DIP2C: variants seen among roughly 807,000 people sequenced by gnomAD.
DIP2C encodes DIP2 acetate--CoA ligase C (putative), also known as disco-interacting protein 2 homolog C.
DIP2C carries 33 observed loss-of-function variants against 192.4 expected under a neutral mutation model. The ratio of observed to expected loss-of-function variants is 0.17; its 90% CI spans 0.13 to 0.23. The LOEUF (loss-of-function observed/expected upper bound fraction) is 0.23. Ranked by LOEUF, DIP2C falls within the 10% of genes least tolerant of loss-of-function variation. DIP2C has a pLI of 1.00. For missense variants in DIP2C, 1,537 were observed against 2,110.1 expected (o/e 0.73, Z 5.32); for synonymous variants, 979 against 864.1 (o/e 1.13, Z -2.33).
At chr10:608,196 C>T (rs1852683069) in intron 1 of DIP2C, among the ~76,000 whole-genome samples, 1 of 45,858 alleles carries the variant, frequency 2.2e-5, no homozygotes, top group South Asian at 9.4e-4. Context: ...CACACACAGC[C>T]CCAACACACA....
Position 446,734 on chromosome 10 carries a change from CAG to C in DIP2C, c.269-5740_269-5739del, listed in dbSNP as rs1209231562. Among the ~76,000 whole-genome samples, 3 of 152,352 alleles carry C rather than the reference CAG, an allele frequency of 2.0e-5. No individual in the cohort carries two copies. The East Asian group carries it at 5.8e-4, about 29-fold the overall frequency. On this transcript the variant is annotated intron_variant, in intron 3 of 36. Coordinates refer to ENST00000280886, the MANE Select transcript of DIP2C (RefSeq NM_014974.3). ...TTTTTCAGGAAGGGCCCTTATCAAA[CAG>C]AGAAAGATCCCTTCTGTTCCTGATG...
intron 24 of DIP2C, among the ~76,000 whole-genome samples, chr10:352,358 G>C (rs1252055580): frequency 6.6e-6 from 1 of 152,212 alleles, no homozygotes; most frequent in Non-Finnish European, 1.5e-5. Flanking sequence ...CTTTATCTTT[G>C]ATAACCCTGT....
chr10:357,693 C>T lies in DIP2C; in HGVS notation c.2904+135G>A, dbSNP rs146181913. The T allele has an allele frequency of 2.5e-3, 1,601 of 629,304 alleles. 18 individuals carry two copies. Among genetic ancestry groups the T allele is most frequent in the African/African-American group, 0.025 (1,373 of 54,608 alleles). The allele number at this position is 629,304 out of a possible 1,614,324, so 39.0% of individuals were successfully genotyped here. ...AGTCGGGGACTGTCGGGGACGGTTGCGGACAGTCAGACACTGTCGCGGACT... is the reference window on the plus strand; with the variant it reads ...AGTCGGGGACTGTCGGGGACGGTTGTGGACAGTCAGACACTGTCGCGGACT... On this transcript the variant is annotated intron_variant, in intron 23 of 36. Coordinates refer to ENST00000280886, the MANE Select transcript of DIP2C (RefSeq NM_014974.3).
At chr10:500,170 T>C (rs1347970088) in intron 1 of DIP2C, among the ~76,000 whole-genome samples, 2 of 152,230 alleles carry the variant, frequency 1.3e-5, no homozygotes, top group African/African-American at 2.4e-5. Flanking sequence ...CTGCAGGCAA[T>C]GTGCCAGCTT....
chr10:345,162 G>A (rs375368242), intron 26 of DIP2C, 52 bp from the exon 27 acceptor site: 122 of 1,527,108 alleles, frequency 8.0e-5, no homozygotes, highest in Non-Finnish European at 1.0e-4. Flanking sequence ...AGATGAAAGC[G>A]TGCTCACTTC....
At chr10:585,077 G>A (rs1049286603) in intron 1 of DIP2C, among the ~76,000 whole-genome samples, 3 of 152,032 alleles carry the variant, frequency 2.0e-5, no homozygotes, top group Admixed American at 6.6e-5. Context: ...CCCCACTCAC[G>A]GGCATCACCT....
At chr10:519,181 G>T (rs1007787721) in intron 1 of DIP2C, among the ~76,000 whole-genome samples, 1 of 152,190 alleles carries the variant, frequency 6.6e-6, no homozygotes, top group Non-Finnish European at 1.5e-5. Flanking sequence ...TGGCACCAAC[G>T]ATCTCCTGGC....
intron 13 of DIP2C, among the ~76,000 whole-genome samples, chr10:388,554 T>C (rs1963173255): frequency 6.6e-6 from 1 of 151,954 alleles, no homozygotes. Flanking sequence ...CTTTTGAAAG[T>C]AGTGAAGTAA....
chr10:597,554 G>C (rs1457842428), intron 1 of DIP2C, among the ~76,000 whole-genome samples: 1 of 152,242 alleles, frequency 6.6e-6, no homozygotes, highest in Non-Finnish European at 1.5e-5. Flanking sequence ...CTGGGCAGGA[G>C]TGCACTAACG....
chr10:351,039 C>T (rs188547343), intron 24 of DIP2C, among the ~76,000 whole-genome samples: 9 of 151,832 alleles, frequency 5.9e-5, no homozygotes, highest in Non-Finnish European at 1.0e-4. Flanking sequence ...CGGGACCGGA[C>T]GCTGTGATTC....
intron 13 of DIP2C, among the ~76,000 whole-genome samples, chr10:388,374 C>T (rs12572806): frequency 0.037 from 5,629 of 152,310 alleles, 162 homozygotes; most frequent in African/African-American, 0.081. Flanking sequence ...CATCACAGAG[C>T]ATGCTGGCCC....
At chr10:296,744 T>G (rs1392088426) in intron 32 of DIP2C, among the ~76,000 whole-genome samples, 1 of 151,902 alleles carries the variant, frequency 6.6e-6, no homozygotes, top group African/African-American at 2.4e-5. Flanking sequence ...TGTAGGAACA[T>G]GGAGGAAGGT....
At chr10:605,312 G>A (rs1450948522) in intron 1 of DIP2C, among the ~76,000 whole-genome samples, 1 of 152,212 alleles carries the variant, frequency 6.6e-6, no homozygotes, top group African/African-American at 2.4e-5. Context: ...AGGAAATCGT[G>A]AGACTCCAAA....
intron 1 of DIP2C, among the ~76,000 whole-genome samples, chr10:564,325 T>TC (rs1849356316): frequency 6.6e-6 from 1 of 151,674 alleles, no homozygotes; most frequent in East Asian, 1.9e-4. Flanking sequence ...CTCCATCTCC[T>TC]CAACCACAGA....
Position 308,443 on chromosome 10 carries a change from G to A in DIP2C, c.3986+1588C>T, listed in dbSNP as rs1291547794. Among the ~76,000 whole-genome samples, 8 of 152,072 alleles carry A rather than the reference G, an allele frequency of 5.3e-5. No individual in the cohort carries two copies. The South Asian group carries it at 6.2e-4, about 12-fold the overall frequency. On this transcript the variant is annotated intron_variant, in intron 32 of 36. Transcript: ENST00000280886. ...TGAGGGCCAGGCCACAGACAGAACT[G>A]CATACATGTGTTATTGATGAGCTAC... is the stretch of plus-strand genomic sequence containing the variant.
At chr10:535,313 A>G (rs1847638742) in intron 1 of DIP2C, among the ~76,000 whole-genome samples, 1 of 150,514 alleles carries the variant, frequency 6.6e-6, no homozygotes, top group African/African-American at 2.5e-5. Context: ...AGCAGGCGAG[A>G]GGGGCGCTGT....
At chr10:639,334 G>T (rs1450008723) in intron 1 of DIP2C, among the ~76,000 whole-genome samples, 3 of 146,008 alleles carry the variant, frequency 2.1e-5, no homozygotes, top group Admixed American at 6.8e-5. Context: ...CACACGTGGG[G>T]ATGTGTCAGG....
At chr10:314,455 T>C (rs1281570583) in intron 31 of DIP2C, among the ~76,000 whole-genome samples, 1 of 152,180 alleles carries the variant, frequency 6.6e-6, no homozygotes, top group East Asian at 1.9e-4. Flanking sequence ...TCGTCACCGC[T>C]AACTCATCTT....
intron 17 of DIP2C, among the ~76,000 whole-genome samples, chr10:382,336 T>TA (rs1392563461): frequency 3.3e-5 from 5 of 152,180 alleles, no homozygotes; most frequent in African/African-American, 1.2e-4. Context: ...CAGAGATTGG[T>TA]ACACGCACAT....
Sources: gnomAD v4.1 joint callset for allele counts (sites outside exome capture counted in the v4.1 genomes callset) on GRCh38, gnomAD v4.1.1 for gene constraint, MANE v1.5 for transcripts, NCBI Gene and HGNC (gene_info 2026-07-23, HGNC 2026-07-21) for gene names.